SNAP47: variants seen among roughly 807,000 people sequenced by gnomAD.
The protein encoded by SNAP47 is synaptosomal-associated protein 47.
SNAP47 carries 20 observed loss-of-function variants against 31.4 expected under a neutral mutation model. That is an observed-to-expected ratio of 0.64 (90% CI 0.45 to 0.93). SNAP47 has a LOEUF of 0.93. Among genes scored for constraint, SNAP47 ranks in the 40% least tolerant of loss-of-function variants. The probability of loss-of-function intolerance (pLI) is 0.00; values close to 1 mark genes in which losing one functional copy is unlikely to be tolerated. For missense variants in SNAP47, 492 were observed against 528.5 expected (o/e 0.93, Z 0.68); for synonymous variants, 194 against 213.4 (o/e 0.91, Z 0.79).
upstream of SNAP47, chr1:227,735,324 A>T (rs540287344): frequency 1.9e-6 from 3 of 1,601,676 alleles, no homozygotes; most frequent in South Asian, 3.3e-5. Flanking sequence ...GCCGGAGCGG[A>T]AACGGTGAGG....
intron 1 of SNAP47, chr1:227,746,934 G>C (rs902187211): frequency 2.6e-5 from 4 of 152,184 alleles, no homozygotes; most frequent in African/African-American, 9.7e-5. Flanking sequence ...TTATCTGTAC[G>C]ATGAGACAGT....
intron 4 of SNAP47, among the ~76,000 whole-genome samples, chr1:227,779,119 G>A (rs537000702): frequency 2.6e-5 from 4 of 152,288 alleles, no homozygotes; most frequent in Middle Eastern, 3.4e-3. Flanking sequence ...GGCCCATTCC[G>A]GTTTTCACAG....
chr1:227,743,611 C>T (rs1199389437), intron 1 of SNAP47, among the ~76,000 whole-genome samples: 1 of 152,246 alleles, frequency 6.6e-6, no homozygotes, highest in East Asian at 1.9e-4. Flanking sequence ...ACACCTGCTC[C>T]CTTCACTGCT....
chr1:227,757,539 G>A lies in SNAP47; in HGVS notation c.498-1456G>A, dbSNP rs79755743. Among the ~76,000 whole-genome samples, 49 of 152,294 alleles carry A rather than the reference G, an allele frequency of 3.2e-4. 1 individual carries two copies. The East Asian group carries it at 9.4e-3, about 29-fold the overall frequency. The stretch of plus-strand genomic sequence containing the variant: ...ATGATACATAATCTTGACTAAGAAT[G>A]GCCTATAAGAAATGCAGGATGTGTA... On this transcript the variant is annotated intron_variant, in intron 2 of 4. Coordinates refer to ENST00000617596, the MANE Select transcript of SNAP47 (RefSeq NM_053052.4).
intron 2 of SNAP47, among the ~76,000 whole-genome samples, chr1:227,755,143 A>G (rs1424936334): frequency 1.3e-5 from 2 of 152,142 alleles, no homozygotes; most frequent in Non-Finnish European, 2.9e-5. Flanking sequence ...CCTAATCTTC[A>G]TAACAACCTT....
At chr1:227,755,144 T>C (rs533457152) in intron 2 of SNAP47, among the ~76,000 whole-genome samples, 1 of 152,280 alleles carries the variant, frequency 6.6e-6, no homozygotes, top group Admixed American at 6.5e-5. Context: ...CTAATCTTCA[T>C]AACAACCTTG....
chr1:227,765,014 A>G (rs1037307676), intron 3 of SNAP47, among the ~76,000 whole-genome samples: 1 of 152,204 alleles, frequency 6.6e-6, no homozygotes, highest in Non-Finnish European at 1.5e-5. Context: ...TTTGAGACCA[A>G]CCTAGGTGAC....
At position 227,735,464 on chromosome 1, in the gene SNAP47, C is replaced by A. The variant is rs568837840; in HGVS notation, c.-81C>A. 3.4e-5 allele frequency: 49 copies of A among 1,435,938 alleles called. 1 individual carries two copies. The South Asian group carries it at 6.3e-4, about 18-fold the overall frequency. The allele number at this position is 1,435,938 out of a possible 1,614,324, so 88.9% of individuals were successfully genotyped here. ...CGCAGGCGCCGAGCGGCCGAGGCGC[C>A]GCGGTCGGCTCTGGGACTCGTCTGG... is the stretch of plus-strand genomic sequence containing the variant. On this transcript the variant is annotated 5_prime_UTR_variant, in exon 1 of 5. Transcript: ENST00000617596.
At chr1:227,733,013 G>A, upstream of SNAP47, 2 of 1,613,516 alleles carry the variant, frequency 1.2e-6, no homozygotes, top group Non-Finnish European at 1.7e-6. Context: ...TGTGGTTGAT[G>A]GAGATGGTGT....
intron 1 of SNAP47, among the ~76,000 whole-genome samples, chr1:227,737,833 C>T (rs1297713168): frequency 1.3e-5 from 2 of 151,328 alleles, no homozygotes; most frequent in African/African-American, 2.5e-5. Context: ...TGATTCAGTG[C>T]GTGCTATGGT....
At chr1:227,776,544 T>C (rs1189467888) in intron 4 of SNAP47, 1 of 985,386 alleles carries the variant, frequency 1.0e-6, no homozygotes, top group African/African-American at 1.7e-5. Flanking sequence ...GCACAATGGC[T>C]AGATGGCTTG....
At chr1:227,760,626 C>T (rs1040624966) in intron 3 of SNAP47, among the ~76,000 whole-genome samples, 1 of 152,230 alleles carries the variant, frequency 6.6e-6, no homozygotes, top group Admixed American at 6.5e-5. Context: ...TCCTGCCCGT[C>T]TGATGGGAGG....
chr1:227,740,296 C>T (rs552602556), intron 1 of SNAP47, among the ~76,000 whole-genome samples: 17 of 152,276 alleles, frequency 1.1e-4, no homozygotes, highest in Middle Eastern at 3.4e-3. Flanking sequence ...CATGAGGCTG[C>T]GGTAAGGAAC....
chr1:227,737,383 T>G (rs535609188), intron 1 of SNAP47, among the ~76,000 whole-genome samples: 114 of 152,306 alleles, frequency 7.5e-4, no homozygotes, highest in Non-Finnish European at 1.3e-3. Flanking sequence ...AGAGGCAGCT[T>G]GTGCTGGTTT....
intron 4 of SNAP47, among the ~76,000 whole-genome samples, chr1:227,777,627 A>G (rs1357916420): frequency 6.6e-6 from 1 of 152,166 alleles, no homozygotes; most frequent in Non-Finnish European, 1.5e-5. Context: ...ATGGTACTCT[A>G]TGTCTATTGG....
chr1:227,766,622 G>A (rs759076621), intron 3 of SNAP47, among the ~76,000 whole-genome samples: 3 of 152,236 alleles, frequency 2.0e-5, no homozygotes, highest in Non-Finnish European at 4.4e-5. Context: ...TTCCCCAGTC[G>A]TGTGTGATGT....
chr1:227,738,308 G>A (rs1337817733), intron 1 of SNAP47, among the ~76,000 whole-genome samples: 2 of 152,146 alleles, frequency 1.3e-5, no homozygotes, highest in African/African-American at 2.4e-5. Context: ...CCAAAGTGCT[G>A]GGATTACAGG....
At chr1:227,732,998 CCA>C, upstream of SNAP47, 1 of 1,613,526 alleles carries the variant, frequency 6.2e-7, no homozygotes, top group Non-Finnish European at 8.5e-7. Flanking sequence ...AGCCATTGAC[CCA>C]GTTGTGGTTG....
chr1:227,765,255 G>T (rs1270195167), intron 3 of SNAP47, among the ~76,000 whole-genome samples: 1 of 152,214 alleles, frequency 6.6e-6, no homozygotes, highest in East Asian at 1.9e-4. Flanking sequence ...GTGGGGTATG[G>T]GGCTCTTGGA....
Sources: gnomAD v4.1 joint callset for allele counts (sites outside exome capture counted in the v4.1 genomes callset) on GRCh38, gnomAD v4.1.1 for gene constraint, MANE v1.5 for transcripts, NCBI Gene and HGNC (gene_info 2026-07-23, HGNC 2026-07-21) for gene names.